BOK: variants seen among roughly 807,000 people sequenced by gnomAD.
BOK encodes the protein BCL2 family apoptosis regulator BOK.
In BOK, 20 loss-of-function variants were observed where a neutral mutation model predicts 18.3. That is an observed-to-expected ratio of 1.09 (90% CI 0.77 to 1.59). The LOEUF (loss-of-function observed/expected upper bound fraction) is 1.59. Among genes scored for constraint, BOK ranks in the 40% most tolerant of loss-of-function variants. The probability of loss-of-function intolerance (pLI) is 0.00; values close to 1 mark genes in which losing one functional copy is unlikely to be tolerated. For synonymous variants in BOK, 173 were observed against 142.4 expected, an observed-to-expected ratio of 1.21 and a Z score of -1.53; for missense variants, 348 against 307.9, an observed-to-expected ratio of 1.13 and a Z score of -0.97.
At chr2:241,568,774 A>C (rs1289911763) in intron 3 of BOK, among the ~76,000 whole-genome samples, 8 of 152,200 alleles carry the variant, frequency 5.3e-5, no homozygotes, top group Admixed American at 3.3e-4. Context: ...CTGTTGAAGG[A>C]TACTTGGGTT....
intron 2 of BOK, among the ~76,000 whole-genome samples, chr2:241,561,992 C>G (rs1026836404): frequency 1.3e-5 from 2 of 152,252 alleles, no homozygotes; most frequent in Non-Finnish European, 2.9e-5. Flanking sequence ...CCCTCCTGCT[C>G]TGGGCAGCTC....
At chr2:241,572,214 T>G in intron 4 of BOK, 83 bp from the exon 5 acceptor site, 2 of 1,561,336 alleles carry the variant, frequency 1.3e-6, no homozygotes, top group Non-Finnish European at 1.7e-6. Flanking sequence ...GATATTCTGG[T>G]GCACGGTGCT....
chr2:241,556,408 C>A (rs1481929876), upstream of BOK, among the ~76,000 whole-genome samples: 1 of 152,104 alleles, frequency 6.6e-6, no homozygotes, highest in Non-Finnish European at 1.5e-5. Context: ...CATGGTGAAA[C>A]CCCCTCTCTA....
In BOK at chr2:241,572,592, G is replaced by T; in HGVS notation, c.*170G>T. On this transcript the variant is annotated 3_prime_UTR_variant, in exon 5 of 5. Transcript: ENST00000318407. Reference sequence around the variant, plus strand: ...CCCAGGCCCTCCGGAAGGGGTGAGTGGGGAGGGGCTTTCCTGAGCCTGGAG... The same window carrying T: ...CCCAGGCCCTCCGGAAGGGGTGAGTTGGGAGGGGCTTTCCTGAGCCTGGAG... The T allele has an allele frequency of 9.7e-7, 1 of 1,035,586 alleles. No homozygotes were observed. The highest frequency in any genetic ancestry group is 1.4e-6 in the Non-Finnish European group (1 of 731,612). The allele number at this position is 1,035,586 out of a possible 1,614,324, so 64.1% of individuals were successfully genotyped here.
Position 241,573,567 on chromosome 2 carries a change from G to A in BOK, c.*1145G>A, listed in dbSNP as rs1353692163. The stretch of plus-strand genomic sequence containing the variant: ...GAAGAGTATGACACCCACTTGTGAT[G>A]GGGTCCTTGTGCGGTGGGGACCGGG... On this transcript the variant is annotated 3_prime_UTR_variant, in exon 5 of 5. Coordinates refer to ENST00000318407, the MANE Select transcript of BOK (RefSeq NM_032515.5). 1 of 152,448 alleles carries A rather than the reference G, an allele frequency of 6.6e-6. No homozygotes were observed. The highest frequency in any genetic ancestry group is 1.5e-5 in the Non-Finnish European group (1 of 68,196). 9.4% of individuals were successfully genotyped at this position (152,448 alleles called of 1,614,324 possible).
chr2:241,560,873 C>T (rs1413333990), intron 2 of BOK, among the ~76,000 whole-genome samples: 1 of 151,848 alleles, frequency 6.6e-6, no homozygotes, highest in Non-Finnish European at 1.5e-5. Flanking sequence ...CCCAGAGGGA[C>T]ACAGCTCAGA....
At chr2:241,563,860 G>A (rs535768856) in intron 3 of BOK, among the ~76,000 whole-genome samples, 14 of 152,116 alleles carry the variant, frequency 9.2e-5, no homozygotes, top group South Asian at 4.1e-4. Flanking sequence ...TCCACCCACC[G>A]GAGGGCAAGG....
chr2:241,560,265 G>T (rs778125284), intron 2 of BOK: 9 of 985,222 alleles, frequency 9.1e-6, no homozygotes, highest in Non-Finnish European at 1.1e-5. Context: ...CGTCTCCAAG[G>T]TCTGGACCCA....
At chr2:241,571,254 G>A (rs1427477912) in intron 4 of BOK, among the ~76,000 whole-genome samples, 1 of 147,930 alleles carries the variant, frequency 6.8e-6, no homozygotes, top group Non-Finnish European at 1.5e-5. Flanking sequence ...GTGGGTGTCA[G>A]AGCCAAACCC....
intron 3 of BOK, among the ~76,000 whole-genome samples, chr2:241,568,986 G>GCTGCTGACTCCCTGCGGGGATCA: frequency 1.3e-5 from 2 of 151,544 alleles, no homozygotes; most frequent in South Asian, 2.1e-4. Flanking sequence ...TCCGGGGACC[G>GCTGCTGACTCCCTGCGGGGATCA]CTGCTAACTC....
At chr2:241,568,569 C>T (rs1343573368) in intron 3 of BOK, among the ~76,000 whole-genome samples, 11 of 152,172 alleles carry the variant, frequency 7.2e-5, no homozygotes, top group Admixed American at 7.2e-4. Flanking sequence ...AGGCGCCCAC[C>T]ACCATATCCG....
chr2:241,570,991 G>A (rs974224690), intron 4 of BOK, among the ~76,000 whole-genome samples: 1 of 137,816 alleles, frequency 7.3e-6, no homozygotes, highest in Non-Finnish European at 1.6e-5. Flanking sequence ...GTGTCTGAGC[G>A]CCTGTGGGGG....
upstream of BOK, among the ~76,000 whole-genome samples, chr2:241,555,906 C>T (rs919314935): frequency 6.6e-6 from 1 of 152,192 alleles, no homozygotes; most frequent in Non-Finnish European, 1.5e-5. Context: ...GTGAATGGGG[C>T]AGGAAGTTGC....
chr2:241,569,504 T>C (rs2066671460), intron 3 of BOK, among the ~76,000 whole-genome samples: 1 of 152,232 alleles, frequency 6.6e-6, no homozygotes, highest in South Asian at 2.1e-4. Flanking sequence ...AGGTAAACAT[T>C]TTTCGTGTCT....
At chr2:241,564,905 A>G (rs1303664004) in intron 3 of BOK, among the ~76,000 whole-genome samples, 3 of 152,142 alleles carry the variant, frequency 2.0e-5, no homozygotes, top group Non-Finnish European at 2.9e-5. Context: ...CCCCTTCGGC[A>G]GGGAGAGAGG....
rs1559201718 is a variant in BOK, at chr2:241,562,980, G to A, written c.349+504G>A. 6.6e-6 allele frequency among the ~76,000 whole-genome samples: 1 copy of A among 152,190 alleles called. No individual in the cohort carries two copies. The highest frequency in any genetic ancestry group is 1.5e-5 in the Non-Finnish European group (1 of 68,026). ...CTGCTGGATTCTGATGGTCAGAAGC[G>A]AGCCTCAGGGCTCCAGCGTCCAGGA... On this transcript the variant is annotated intron_variant, in intron 3 of 4. Transcript: ENST00000318407. This position sits in a 1 kb window ranked among gnomAD's most constrained non-coding sequence, Gnocchi z 4.5.
chr2:241,560,922 T>C (rs896349238), intron 2 of BOK, among the ~76,000 whole-genome samples: 1 of 152,136 alleles, frequency 6.6e-6, no homozygotes, highest in African/African-American at 2.4e-5. Flanking sequence ...GTCAGTCCCT[T>C]GAGGCCAGCG....
rs1330645855 is a variant in BOK, at chr2:241,573,982, C to T, written c.*1560C>T. The T allele has an allele frequency of 6.6e-6, 1 of 152,308 alleles. No homozygotes were observed. The highest frequency in any genetic ancestry group is 1.5e-5 in the Non-Finnish European group (1 of 68,118). 9.4% of individuals were successfully genotyped at this position (152,308 alleles called of 1,614,324 possible). Reference sequence around the variant, plus strand: ...CTGGCCTAGCAGCCACCCACCTGAGCCCTCCCGGCCAGGCTTCGTGCTGGG... The same window carrying T: ...CTGGCCTAGCAGCCACCCACCTGAGTCCTCCCGGCCAGGCTTCGTGCTGGG... On this transcript the variant is annotated 3_prime_UTR_variant, in exon 5 of 5. Transcript: ENST00000318407.
At chr2:241,559,893 C>T (rs1023250037) in intron 2 of BOK, among the ~76,000 whole-genome samples, 190 bp downstream of exon 2, 3 of 152,214 alleles carry the variant, frequency 2.0e-5, no homozygotes, top group Non-Finnish European at 4.4e-5. Context: ...CGCCACAGGC[C>T]CCCCCATCAG....
Sources: allele counts gnomAD v4.1 joint callset (sites outside exome capture counted in the v4.1 genomes callset), GRCh38; gene constraint gnomAD v4.1.1; non-coding constraint Gnocchi (gnomAD v3.1); transcripts MANE v1.5; gene names NCBI Gene and HGNC (gene_info 2026-07-23, HGNC 2026-07-21).